Variants in MTBP observed in about 807,000 individuals in gnomAD.
The protein encoded by MTBP is mdm2-binding protein.
MTBP carries 101 observed loss-of-function variants against 117.0 expected under a neutral mutation model. The observed-to-expected ratio is 0.86, with a 90% CI of 0.73 to 1.02. The LOEUF is 1.02. Ranked by LOEUF, MTBP falls within the 50% of genes least tolerant of loss-of-function variation. The probability of loss-of-function intolerance (pLI) is 0.00; values close to 1 mark genes in which losing one functional copy is unlikely to be tolerated. For synonymous variants in MTBP, 350 were observed against 351.5 expected, an observed-to-expected ratio of 1.00 and a Z score of 0.05; for missense variants, 970 against 1,030.9, an observed-to-expected ratio of 0.94 and a Z score of 0.81.
chr8:120,458,186 G>T (rs2130523209), intron 7 of MTBP, among the ~76,000 whole-genome samples: 1 of 152,234 alleles, frequency 6.6e-6, no homozygotes, highest in South Asian at 2.1e-4. Flanking sequence ...CAGCTTTTTA[G>T]TCAAGAGGCA....
At position 120,488,255 on chromosome 8, in the gene MTBP, C is replaced by G; in HGVS notation, c.1262C>G (p.Ala421Gly). The change falls in exon 12 of 22, where the codon GCC becomes GGC. Residue 421 changes from alanine (A) to glycine (G), a missense_variant. Physicochemically the swap from Ala to Gly is moderately conservative, Grantham distance 60. Transcript: ENST00000305949. ...TGTAAAGCCACATTGATTCACTCAG[C>G]CAACCAGATCAATGGCTCATTTGCA... ...RRCKATLIHS[A>G]NQINGSFALN... 1 of 1,588,858 alleles carries G rather than the reference C, an allele frequency of 6.3e-7. No homozygotes were observed. The highest frequency in any genetic ancestry group is 8.5e-7 in the Non-Finnish European group (1 of 1,170,824).
intron 2 of MTBP, among the ~76,000 whole-genome samples, chr8:120,447,975 G>T (rs1321295451): frequency 6.6e-6 from 1 of 151,426 alleles, no homozygotes; most frequent in Non-Finnish European, 1.5e-5. Context: ...TGCTCAGGCT[G>T]GAGTCCAGTG....
intron 11 of MTBP, among the ~76,000 whole-genome samples, chr8:120,486,098 G>T (rs780068957): frequency 6.6e-6 from 1 of 151,928 alleles, no homozygotes; most frequent in Non-Finnish European, 1.5e-5. Flanking sequence ...GCCATTCTTC[G>T]ATTTGAATTC....
In MTBP at chr8:120,518,699, T is replaced by C; in HGVS notation, c.2497-5T>C. Reference sequence around the variant, plus strand: ...ATATTCGTCATATGTTATGTTCTGTTCAAGATACTGAAAGAAGTAGTTACT... The same window carrying C: ...ATATTCGTCATATGTTATGTTCTGTCCAAGATACTGAAAGAAGTAGTTACT... On this transcript the variant is annotated splice_region_variant and splice_polypyrimidine_tract_variant and intron_variant, in intron 19 of 21. Coordinates refer to ENST00000305949, the MANE Select transcript of MTBP (RefSeq NM_022045.5). 1 of 1,585,196 alleles carries C rather than the reference T, an allele frequency of 6.3e-7. No homozygotes were observed. Among genetic ancestry groups the C allele is most frequent in the East Asian group, 2.2e-5 (1 of 44,626 alleles).
chr8:120,502,623 C>T lies in MTBP; in HGVS notation c.1727+14C>T. 6.7e-7 allele frequency: 1 copy of T among 1,485,300 alleles called. No individual in the cohort carries two copies. Among genetic ancestry groups the T allele is most frequent in the Non-Finnish European group, 9.3e-7 (1 of 1,075,304 alleles). The allele number at this position is 1,485,300 out of a possible 1,614,324, so 92.0% of individuals were successfully genotyped here. ...ACAAAAAATGAGGTAATATTTGAAT[C>T]TGTAGTAAAGCATGTGATAGCTCAG... On this transcript the variant is annotated intron_variant, in intron 15 of 21. Coordinates refer to ENST00000305949, the MANE Select transcript of MTBP (RefSeq NM_022045.5).
At chr8:120,507,388 A>G (rs1328133881) in intron 16 of MTBP, among the ~76,000 whole-genome samples, 1 of 152,148 alleles carries the variant, frequency 6.6e-6, no homozygotes, top group Admixed American at 6.5e-5. Context: ...GACTTCCAAG[A>G]CAGTTTTCAC....
intron 16 of MTBP, among the ~76,000 whole-genome samples, chr8:120,509,607 C>T (rs1047299913): frequency 3.3e-5 from 5 of 150,764 alleles, no homozygotes; most frequent in African/African-American, 1.2e-4. Flanking sequence ...GTCCCCACCG[C>T]CCCCCCAAAA....
At position 120,490,537 on chromosome 8, in the gene MTBP, A is replaced by G; in HGVS notation, c.1414A>G (p.Asn472Asp). 1.2e-6 allele frequency: 2 copies of G among 1,608,224 alleles called. No homozygotes were observed. Among genetic ancestry groups the G allele is most frequent in the Non-Finnish European group, 1.7e-6 (2 of 1,178,206 alleles). Residue 472 changes from asparagine (N) to aspartate (D), a missense_variant, in exon 13 of 22, where the codon AAT becomes GAT. Transcript: ENST00000305949. ...TGTACAGAGAGAGAAACAGTTAGCT[A>G]ATGTTCAAGTTTTAGCTTTGGAAGA... ...QIVQREKQLA[N>D]VQVLALEECL...
At chr8:120,497,353 A>G (rs774219832) in intron 13 of MTBP, 40 bp from the exon 14 acceptor site, 12 of 1,538,058 alleles carry the variant, frequency 7.8e-6, no homozygotes, top group Non-Finnish European at 1.0e-5. Context: ...TGAGCTCCAG[A>G]GAATACAAAA....
At chr8:120,468,882 C>G (rs1427646771) in intron 10 of MTBP, among the ~76,000 whole-genome samples, 1 of 151,996 alleles carries the variant, frequency 6.6e-6, no homozygotes, top group East Asian at 1.9e-4. Context: ...TCGGTCCAAC[C>G]ACCAGGCTAG....
chr8:120,446,580 G>C, intron 2 of MTBP, 67 bp downstream of exon 2: 3 of 966,542 alleles, frequency 3.1e-6, no homozygotes, highest in Non-Finnish European at 5.0e-6. Context: ...TAATTAATTT[G>C]GACCCTAAGG....
chr8:120,486,276 A>G (rs912588765), intron 11 of MTBP, among the ~76,000 whole-genome samples: 3 of 152,060 alleles, frequency 2.0e-5, no homozygotes, highest in African/African-American at 7.2e-5. Flanking sequence ...CTTACCCGCA[A>G]TCTGAGTCAG....
intron 9 of MTBP, among the ~76,000 whole-genome samples, chr8:120,461,470 T>A (rs530416245): frequency 6.6e-6 from 1 of 152,308 alleles, no homozygotes; most frequent in Non-Finnish European, 1.5e-5. Flanking sequence ...CTATACCTAT[T>A]TTATCAGAAA....
rs373506474 is a variant in MTBP, at chr8:120,515,806, A to G, written c.1980-119A>G. The G allele has an allele frequency of 1.9e-4, 180 of 963,920 alleles. 1 individual carries two copies. In the African/African-American group the frequency reaches 2.7e-3, roughly 15 times the overall value. 59.7% of individuals were successfully genotyped at this position (963,920 alleles called of 1,614,324 possible). A position where few individuals can be genotyped will look rare whatever the true frequency, so the allele number is the denominator to read the frequency against. On this transcript the variant is annotated intron_variant, in intron 17 of 21. Transcript: ENST00000305949. ...AGGCCAGCCACTCAACCTTCCAGCA[A>G]TTATTAGGAAATTAAACAAGAACTC...
At chr8:120,513,952 C>T (rs1563805954) in intron 17 of MTBP, among the ~76,000 whole-genome samples, 1 of 151,944 alleles carries the variant, frequency 6.6e-6, no homozygotes, top group Non-Finnish European at 1.5e-5. Context: ...CTACTCCCTA[C>T]TCTGCCACCA....
chr8:120,445,595 G>T lies in MTBP; in HGVS notation c.118+7G>T, dbSNP rs201153264. 1.3e-6 allele frequency: 2 copies of T among 1,595,390 alleles called. No individual in the cohort carries two copies. Among genetic ancestry groups the T allele is most frequent in the South Asian group, 2.2e-5 (2 of 89,758 alleles). The stretch of plus-strand genomic sequence containing the variant: ...GGTACTGAGAATCAGCCGGGTAAGC[G>T]CTGGGATGAGAAAGAGCGGGAACGG... On this transcript the variant is annotated splice_region_variant and intron_variant, in intron 1 of 21. Transcript: ENST00000305949.
chr8:120,455,692 A>G, intron 6 of MTBP, 113 bp downstream of exon 6: 4 of 1,010,246 alleles, frequency 4.0e-6, no homozygotes, highest in Non-Finnish European at 5.9e-6. Context: ...TGACAACATA[A>G]AATTCTATGT....
At chr8:120,475,891 G>C (rs1477635083) in intron 11 of MTBP, among the ~76,000 whole-genome samples, 1 of 151,950 alleles carries the variant, frequency 6.6e-6, no homozygotes, top group East Asian at 1.9e-4. Flanking sequence ...ACAAATCATA[G>C]ATAAGTAATA....
At chr8:120,496,705 T>G (rs1391275212) in intron 13 of MTBP, among the ~76,000 whole-genome samples, 2 of 94,602 alleles carry the variant, frequency 2.1e-5, no homozygotes, top group Non-Finnish European at 5.1e-5. Flanking sequence ...TGATGTTCCA[T>G]ACAAAAAAAA....
Sources: allele counts gnomAD v4.1 joint callset (sites outside exome capture counted in the v4.1 genomes callset), GRCh38; gene constraint gnomAD v4.1.1; transcripts MANE v1.5; gene names NCBI Gene and HGNC (gene_info 2026-07-23, HGNC 2026-07-21).